The following PIK3CA variants were observed in gnomAD, a reference collection of about 807,000 sequenced individuals.
The protein encoded by PIK3CA is phosphatidylinositol-4,5-bisphosphate 3-kinase catalytic subunit alpha.
PIK3CA carries 27 observed loss-of-function variants against 138.2 expected under a neutral mutation model. The ratio of observed to expected loss-of-function variants is 0.20; its 90% CI spans 0.14 to 0.27. The LOEUF (loss-of-function observed/expected upper bound fraction) is 0.27, where lower values mean the gene tolerates loss of function less well. Among genes scored for constraint, PIK3CA ranks in the 10% least tolerant of loss-of-function variants. The probability of loss-of-function intolerance (pLI) is 1.00; values close to 1 mark genes in which losing one functional copy is unlikely to be tolerated. For missense variants in PIK3CA, 544 were observed against 1,277.4 expected (o/e 0.43, Z 8.75); for synonymous variants, 358 against 413.2 (o/e 0.87, Z 1.62).
intron 1 of PIK3CA, among the ~76,000 whole-genome samples, chr3:179,194,470 C>T (rs906897545): frequency 2.6e-5 from 4 of 152,174 alleles, no homozygotes; most frequent in African/African-American, 9.7e-5. Flanking sequence ...CCTGCTGCCT[C>T]AGCCTCCCAA....
rs1722918086 is a variant in PIK3CA, at chr3:179,148,611, G to C, written c.-77+8G>C. ...CCTGGAAGAGCCCCGAGCGTGAGTA[G>C]AGCGCGGACTGGCCGGTAGCGGGTG... On this transcript the variant is annotated splice_region_variant and intron_variant, in intron 1 of 20. Coordinates refer to ENST00000263967, the MANE Select transcript of PIK3CA (RefSeq NM_006218.4). 1 of 152,430 alleles carries C rather than the reference G, an allele frequency of 6.6e-6. No homozygotes were observed. Among genetic ancestry groups the C allele is most frequent in the Non-Finnish European group, 1.5e-5 (1 of 68,270 alleles). 9.4% of individuals were successfully genotyped at this position (152,430 alleles called of 1,614,324 possible). A position where few individuals can be genotyped will look rare whatever the true frequency, so the allele number is the denominator to read the frequency against.
In PIK3CA at chr3:179,178,678, C is replaced by G. The variant is rs372395168; in HGVS notation, c.-76-20072C>G. Among the ~76,000 whole-genome samples, 5 of 152,308 alleles carry G rather than the reference C, an allele frequency of 3.3e-5. No individual in the cohort carries two copies. In the East Asian group the frequency reaches 7.7e-4, roughly 24 times the overall value. ...CGCTAGGACAACTCACAGGACTCAG[C>G]ATGATGTCGTACTCATGGCTCTATC... is the stretch of plus-strand genomic sequence containing the variant. On this transcript the variant is annotated intron_variant, in intron 1 of 20. Transcript: ENST00000263967.
chr3:179,198,335 T>C lies in PIK3CA; in HGVS notation c.-76-415T>C, dbSNP rs1019474239. Among the ~76,000 whole-genome samples, 41 of 152,324 alleles carry C rather than the reference T, an allele frequency of 2.7e-4. 1 individual carries two copies. The highest frequency in any genetic ancestry group is 9.9e-4 in the African/African-American group (41 of 41,576). ...TTTTAAAATAAGAGCAGTGGACCCATGATCTGAAAGATTGTTTCTGGCCTA... is the reference window on the plus strand; with the variant it reads ...TTTTAAAATAAGAGCAGTGGACCCACGATCTGAAAGATTGTTTCTGGCCTA... On this transcript the variant is annotated intron_variant, in intron 1 of 20. Transcript: ENST00000263967.
At chr3:179,155,154 A>T (rs535036737) in intron 1 of PIK3CA, among the ~76,000 whole-genome samples, 5 of 152,208 alleles carry the variant, frequency 3.3e-5, no homozygotes, top group Non-Finnish European at 7.3e-5. Context: ...AATATGTCTT[A>T]TAAGTACAAC....
chr3:179,174,848 A>G (rs533039404), intron 1 of PIK3CA, among the ~76,000 whole-genome samples: 1 of 152,266 alleles, frequency 6.6e-6, no homozygotes, highest in Non-Finnish European at 1.5e-5. Flanking sequence ...TTTTTTAATT[A>G]ATTGCTTCAT....
At chr3:179,229,688 T>C (rs1171508244) in intron 18 of PIK3CA, among the ~76,000 whole-genome samples, 4 of 152,204 alleles carry the variant, frequency 2.6e-5, no homozygotes, top group Non-Finnish European at 4.4e-5. Context: ...GCTTATTCTT[T>C]TTAAAACAAA....
chr3:179,172,617 C>G (rs1302715050), intron 1 of PIK3CA, among the ~76,000 whole-genome samples: 1 of 151,898 alleles, frequency 6.6e-6, no homozygotes, highest in African/African-American at 2.4e-5. Flanking sequence ...ATTAAAAAAC[C>G]ATTTACAGTA....
intron 14 of PIK3CA, 133 bp downstream of exon 14, chr3:179,221,290 T>A (rs1364718395): frequency 1.6e-6 from 1 of 634,774 alleles, no homozygotes; most frequent in Non-Finnish European, 2.8e-6. Flanking sequence ...TTCCACTGCC[T>A]CTCAGCTGTG....
Position 179,203,802 on chromosome 3 carries a change from G to A in PIK3CA, c.1059+13G>A, listed in dbSNP as rs1346554417. 5 of 1,570,162 alleles carry A rather than the reference G, an allele frequency of 3.2e-6. No homozygotes were observed. Among genetic ancestry groups the A allele is most frequent in the Non-Finnish European group, 4.3e-6 (5 of 1,157,582 alleles). On this transcript the variant is annotated intron_variant, in intron 5 of 20. Coordinates refer to ENST00000263967, the MANE Select transcript of PIK3CA (RefSeq NM_006218.4). ...AGACATTGATAAGGTAAAGTCAAAT[G>A]CTGATGCTTATTATTTTATAGAAAT...
intron 4 of PIK3CA, among the ~76,000 whole-genome samples, chr3:179,202,032 A>T (rs907253270): frequency 5.3e-5 from 8 of 152,048 alleles, no homozygotes; most frequent in African/African-American, 1.9e-4. Flanking sequence ...CAGCTCCCAA[A>T]TATAGATATT....
At chr3:179,192,189 A>ATGCCT (rs1402113697) in intron 1 of PIK3CA, among the ~76,000 whole-genome samples, 2 of 152,336 alleles carry the variant, frequency 1.3e-5, no homozygotes, top group South Asian at 4.1e-4. Flanking sequence ...GGCATATCCA[A>ATGCCT]TGATGGCAAA....
chr3:179,188,234 T>C (rs545129620), intron 1 of PIK3CA, among the ~76,000 whole-genome samples: 2 of 152,234 alleles, frequency 1.3e-5, no homozygotes, highest in Non-Finnish European at 2.9e-5. Flanking sequence ...ACTCATTTGC[T>C]ACAGGTGTTG....
At chr3:179,176,740 T>G (rs938622688) in intron 1 of PIK3CA, among the ~76,000 whole-genome samples, 5 of 152,210 alleles carry the variant, frequency 3.3e-5, no homozygotes, top group Non-Finnish European at 5.9e-5. Flanking sequence ...TTTTGGTGGT[T>G]TCTAGTTTTT....
Position 179,219,408 on chromosome 3 carries a change from CTTAACA to C in PIK3CA, c.1746+135_1746+140del. 1.4e-6 allele frequency: 1 copy of C among 710,218 alleles called. No individual in the cohort carries two copies. The highest frequency in any genetic ancestry group is 2.0e-5 in the South Asian group (1 of 48,996). The allele number at this position is 710,218 out of a possible 1,614,324, so 44.0% of individuals were successfully genotyped here. On this transcript the variant is annotated intron_variant, in intron 11 of 20. Coordinates refer to ENST00000263967, the MANE Select transcript of PIK3CA (RefSeq NM_006218.4). This position sits in a 1 kb window ranked among gnomAD's most constrained non-coding sequence, Gnocchi z 4.2. ...GTAATATAGTGTAGAAAAAAACACC[CTTAACA>C]TTATTTCCATAGATAAAACTAATTA...
At chr3:179,232,056 C>T (rs545985585) in intron 20 of PIK3CA, among the ~76,000 whole-genome samples, 10 of 152,168 alleles carry the variant, frequency 6.6e-5, no homozygotes, top group South Asian at 6.2e-4. Context: ...TCCCATTCTA[C>T]GGGTTGTCTG....
intron 14 of PIK3CA, among the ~76,000 whole-genome samples, chr3:179,221,447 G>A (rs1050029169): frequency 5.3e-5 from 8 of 152,036 alleles, no homozygotes; most frequent in Non-Finnish European, 8.8e-5. Context: ...CATAGAAGGT[G>A]GCCAATAAAT....
intron 1 of PIK3CA, among the ~76,000 whole-genome samples, chr3:179,192,668 A>T (rs1250714275): frequency 6.6e-6 from 1 of 152,234 alleles, no homozygotes; most frequent in Non-Finnish European, 1.5e-5. Context: ...TCTCTATAGC[A>T]TCTGCTCAAC....
chr3:179,205,709 A>G lies in PIK3CA; in HGVS notation c.1145+1121A>G, dbSNP rs530456340. ...AAGTAGTATAATCCAATAGCTGACT[A>G]TCCTGCATTTCTTTGCTTCTCTCTA... On this transcript the variant is annotated intron_variant, in intron 6 of 20. Coordinates refer to ENST00000263967, the MANE Select transcript of PIK3CA (RefSeq NM_006218.4). Among the ~76,000 whole-genome samples the G allele has an allele frequency of 5.9e-5, 9 of 152,330 alleles. No homozygotes were observed. In the South Asian group the frequency reaches 1.7e-3, roughly 28 times the overall value.
At chr3:179,181,296 CATT>C (rs928006881) in intron 1 of PIK3CA, among the ~76,000 whole-genome samples, 10 of 151,548 alleles carry the variant, frequency 6.6e-5, no homozygotes, top group African/African-American at 1.9e-4. Flanking sequence ...ACCAAAGAAA[CATT>C]ATTTTTTTTT....
Sources: allele counts gnomAD v4.1 joint callset (sites outside exome capture counted in the v4.1 genomes callset), GRCh38; gene constraint gnomAD v4.1.1; non-coding constraint Gnocchi (gnomAD v3.1); transcripts MANE v1.5; gene names NCBI Gene and HGNC (gene_info 2026-07-23, HGNC 2026-07-21).